MAPK10: variants seen among roughly 807,000 people sequenced by gnomAD.
MAPK10 encodes mitogen-activated protein kinase 10, also known as JNK3 alpha protein kinase.
Under a neutral mutation model 59.3 loss-of-function variants are expected in MAPK10, and 25 were observed. That is an observed-to-expected ratio of 0.42 (90% CI 0.31 to 0.59). The LOEUF (loss-of-function observed/expected upper bound fraction) is 0.59. Ranked by LOEUF, MAPK10 falls within the 20% of genes least tolerant of loss-of-function variation. The pLI is 0.15. For missense variants in MAPK10, 351 were observed against 568.9 expected, an observed-to-expected ratio of 0.62 and a Z score of 3.90; for synonymous variants, 190 against 200.5, an observed-to-expected ratio of 0.95 and a Z score of 0.44.
At chr4:86,317,524 T>C (rs1650656632) in intron 2 of MAPK10, among the ~76,000 whole-genome samples, 1 of 152,250 alleles carries the variant, frequency 6.6e-6, no homozygotes, top group African/African-American at 2.4e-5. Flanking sequence ...TCCTGTTTTG[T>C]AGTATTTATA....
At chr4:86,019,640 C>T (rs1041915891) in intron 13 of MAPK10, among the ~76,000 whole-genome samples, 1 of 151,822 alleles carries the variant, frequency 6.6e-6, no homozygotes, top group Admixed American at 6.6e-5. Flanking sequence ...TACCAATATC[C>T]TTCATATTCT....
chr4:86,257,315 T>C (rs1157695434), intron 2 of MAPK10, among the ~76,000 whole-genome samples: 1 of 152,168 alleles, frequency 6.6e-6, no homozygotes, highest in Non-Finnish European at 1.5e-5. Context: ...TTACGGTAAA[T>C]TGGTAAATAT....
intron 2 of MAPK10, among the ~76,000 whole-genome samples, chr4:86,257,895 C>A (rs1269477932): frequency 6.6e-6 from 1 of 152,112 alleles, no homozygotes; most frequent in Non-Finnish European, 1.5e-5. Context: ...TATACTCTTG[C>A]AGACTCCCTT....
chr4:86,175,604 C>G (rs1415402731), intron 3 of MAPK10, among the ~76,000 whole-genome samples: 1 of 152,042 alleles, frequency 6.6e-6, no homozygotes, highest in East Asian at 1.9e-4. Flanking sequence ...CCTCCTGCTC[C>G]TGCCATGTAA....
Position 86,572,735 on chromosome 4 carries a change from C to T in MAPK10, c.-263+21175G>A, listed in dbSNP as rs542288378. ...CTGGGTCTGAGTTTATAAGAAAATG[C>T]CAAATGGCTGTGCCATATTGCATTC... is the stretch of plus-strand genomic sequence containing the variant. On this transcript the variant is annotated intron_variant, in intron 1 of 4. Transcript: ENST00000502302. Among the ~76,000 whole-genome samples the T allele has an allele frequency of 3.1e-4, 47 of 152,280 alleles. 1 individual carries two copies. The highest frequency in any genetic ancestry group is 1.1e-3 in the African/African-American group (44 of 41,548).
intron 1 of MAPK10, among the ~76,000 whole-genome samples, chr4:86,503,253 A>G (rs1337575778): frequency 6.6e-6 from 1 of 152,092 alleles, no homozygotes; most frequent in African/African-American, 2.4e-5. Flanking sequence ...CTGGCTCTAT[A>G]TTCCTTCAGT....
At chr4:86,025,317 C>T (rs1041895342) in intron 13 of MAPK10, 7 of 389,504 alleles carry the variant, frequency 1.8e-5, no homozygotes, top group African/African-American at 4.1e-5. Flanking sequence ...CCCTCTATTG[C>T]GCTATAATAA....
At chr4:86,312,799 A>C (rs533416209) in intron 2 of MAPK10, among the ~76,000 whole-genome samples, 1 of 152,236 alleles carries the variant, frequency 6.6e-6, no homozygotes, top group South Asian at 2.1e-4. Flanking sequence ...TGTCAGTCTT[A>C]CACTTAAAAA....
At chr4:86,304,895 T>A (rs1186056898) in intron 2 of MAPK10, among the ~76,000 whole-genome samples, 1 of 152,192 alleles carries the variant, frequency 6.6e-6, no homozygotes, top group Non-Finnish European at 1.5e-5. Flanking sequence ...TGGCCCTAAT[T>A]TTCACTCAAG....
chr4:86,180,341 G>A (rs1425029082), intron 3 of MAPK10, among the ~76,000 whole-genome samples: 2 of 151,812 alleles, frequency 1.3e-5, no homozygotes, highest in African/African-American at 2.4e-5. Flanking sequence ...AATAAATGTT[G>A]GTGAGATATG....
rs1190555057 is a variant in MAPK10, at chr4:86,576,635, G to A, written c.-263+17275C>T. Among the ~76,000 whole-genome samples, 8 of 152,002 alleles carry A rather than the reference G, an allele frequency of 5.3e-5. No individual in the cohort carries two copies. The South Asian group carries it at 1.0e-3, about 20-fold the overall frequency. ...TAAAAATACAAAAAATTAGCCGGGC[G>A]CGGTGGCGGGTGCCTGTAGTCCCAG... On this transcript the variant is annotated intron_variant, in intron 1 of 4. Coordinates refer to the MAPK10 transcript ENST00000502302.
chr4:86,357,426 G>A lies in MAPK10; in HGVS notation c.-122+2232C>T, dbSNP rs565813941. Among the ~76,000 whole-genome samples the A allele has an allele frequency of 3.9e-5, 6 of 152,232 alleles. No homozygotes were observed. In the East Asian group the frequency reaches 1.2e-3, roughly 29 times the overall value. Reference sequence around the variant, plus strand: ...AATATATTTATGCCTTTAAACATGGGAGGTTTTTCTAGATTACTTAGGTTG... The same window carrying A: ...AATATATTTATGCCTTTAAACATGGAAGGTTTTTCTAGATTACTTAGGTTG... On this transcript the variant is annotated intron_variant, in intron 1 of 13. Coordinates refer to ENST00000641462, the MANE Select transcript of MAPK10 (RefSeq NM_138982.4).
At chr4:86,097,022 T>C (rs574000994) in intron 9 of MAPK10, among the ~76,000 whole-genome samples, 3 of 151,940 alleles carry the variant, frequency 2.0e-5, no homozygotes, top group African/African-American at 4.8e-5. Context: ...TAGTTTTAAG[T>C]TTAATGTCCA....
chr4:86,456,662 T>TA (rs901967444), upstream of MAPK10, among the ~76,000 whole-genome samples: 39 of 151,820 alleles, frequency 2.6e-4, no homozygotes, highest in African/African-American at 7.7e-4. Context: ...GAAATGGTAA[T>TA]AAAAAAATTA....
chr4:86,552,494 A>G (rs1578095864), intron 1 of MAPK10, among the ~76,000 whole-genome samples: 1 of 51,660 alleles, frequency 1.9e-5, no homozygotes, highest in African/African-American at 6.4e-5. Context: ...GGAGGGAGGG[A>G]GGGAAGGAAA....
chr4:86,330,982 C>G (rs1265150325), intron 2 of MAPK10, among the ~76,000 whole-genome samples: 1 of 151,950 alleles, frequency 6.6e-6, no homozygotes, highest in African/African-American at 2.4e-5. Flanking sequence ...AGCACAATAG[C>G]TAGCATGTAA....
chr4:86,382,647 T>C lies in MAPK10; in HGVS notation c.-121-28003A>G, dbSNP rs116768418. 2.7e-3 allele frequency among the ~76,000 whole-genome samples: 414 copies of C among 152,338 alleles called. 4 individuals are homozygous for C. The highest frequency in any genetic ancestry group is 9.7e-3 in the African/African-American group (405 of 41,580). ...TGAATGTATTCACTTGCAGCAACTA[T>C]GGCAGTATATAGTCTTTGGGTTACT... On this transcript the variant is annotated intron_variant, in intron 1 of 13. Coordinates refer to the MAPK10 transcript ENST00000361569.
intron 9 of MAPK10, among the ~76,000 whole-genome samples, chr4:86,096,584 A>T (rs139397833): frequency 5.2e-4 from 79 of 152,068 alleles, no homozygotes; most frequent in African/African-American, 1.8e-3. Flanking sequence ...CTTTCCACTG[A>T]CAAGTGCATG....
intron 2 of MAPK10, among the ~76,000 whole-genome samples, chr4:86,274,168 T>C (rs1410436069): frequency 1.3e-5 from 2 of 152,050 alleles, no homozygotes; most frequent in African/African-American, 4.8e-5. Flanking sequence ...TCTCCCAAGA[T>C]TGTCATATAA....
Sources: gnomAD v4.1 joint callset for allele counts (sites outside exome capture counted in the v4.1 genomes callset) on GRCh38, gnomAD v4.1.1 for gene constraint, MANE v1.5 for transcripts, NCBI Gene and HGNC (gene_info 2026-07-23, HGNC 2026-07-21) for gene names.